KIAA0825: variants seen among roughly 807,000 people sequenced by gnomAD.
KIAA0825 encodes uncharacterized protein KIAA0825.
KIAA0825 carries 119 observed loss-of-function variants against 147.6 expected under a neutral mutation model. The ratio of observed to expected loss-of-function variants is 0.81; its 90% CI spans 0.69 to 0.94. The LOEUF is 0.94. Among genes scored for constraint, KIAA0825 ranks in the 40% least tolerant of loss-of-function variants. KIAA0825 has a pLI of 0.00. For synonymous variants in KIAA0825, 470 were observed against 518.1 expected, an observed-to-expected ratio of 0.91 and a Z score of 1.26; for missense variants, 1,381 against 1,472.7, an observed-to-expected ratio of 0.94 and a Z score of 1.02.
At position 94,260,715 on chromosome 5, in the gene KIAA0825, A is replaced by T. The variant is rs564607840; in HGVS notation, c.3711-106591T>A. Among the ~76,000 whole-genome samples, 4 of 152,284 alleles carry T rather than the reference A, an allele frequency of 2.6e-5. No homozygotes were observed. In the South Asian group the frequency reaches 8.3e-4, roughly 32 times the overall value. On this transcript the variant is annotated intron_variant, in intron 20 of 20. Transcript: ENST00000682413. ...GGTATTTGCAGTTCACATTAGTACT[A>T]TATCTGCCTTTAACATGATTTCAAT... is the stretch of plus-strand genomic sequence containing the variant.
At chr5:94,300,075 G>A (rs912845391) in intron 20 of KIAA0825, among the ~76,000 whole-genome samples, 1 of 151,920 alleles carries the variant, frequency 6.6e-6, no homozygotes, top group African/African-American at 2.4e-5. Context: ...TTGGTGTCAT[G>A]ATATAGTACA....
At chr5:94,375,571 G>A (rs192269004) in intron 20 of KIAA0825, among the ~76,000 whole-genome samples, 62 of 152,244 alleles carry the variant, frequency 4.1e-4, no homozygotes, top group African/African-American at 1.4e-3. Context: ...CCAATCCATA[G>A]TCAATTTCTC....
At chr5:94,579,577 C>G (rs943393622) in intron 2 of KIAA0825, among the ~76,000 whole-genome samples, 2 of 152,172 alleles carry the variant, frequency 1.3e-5, no homozygotes, top group Non-Finnish European at 2.9e-5. Context: ...AAGTTAGAAC[C>G]ACTACCCAGC....
rs532480150 is a variant in KIAA0825, at chr5:94,445,039, C to T, written c.2358-4918G>A. ...TTACACGGCAGCAACGCTAATCTAG[C>T]ACCTGAATCACTAAGACATTGGACA... On this transcript the variant is annotated intron_variant, in intron 13 of 20. Transcript: ENST00000682413. Among the ~76,000 whole-genome samples, 13 of 152,188 alleles carry T rather than the reference C, an allele frequency of 8.5e-5. No homozygotes were observed. In the East Asian group the frequency reaches 2.5e-3, roughly 29 times the overall value.
chr5:94,387,348 C>T (rs766513514), intron 18 of KIAA0825, among the ~76,000 whole-genome samples: 5 of 152,104 alleles, frequency 3.3e-5, no homozygotes, highest in Non-Finnish European at 5.9e-5. Flanking sequence ...CACCTGGGAG[C>T]TTGTTAGAAA....
At chr5:94,293,968 T>C (rs1778024333) in intron 20 of KIAA0825, among the ~76,000 whole-genome samples, 1 of 152,338 alleles carries the variant, frequency 6.6e-6, no homozygotes, top group Non-Finnish European at 1.5e-5. Context: ...TTTTTTTGCT[T>C]TCCATTTGCT....
chr5:94,215,754 C>T lies in KIAA0825; in HGVS notation c.3711-61630G>A, dbSNP rs139230820. ...CTCCCTTGATTCCTCGCACTCTTCT[C>T]TCCTGGTTGCCCTCCTACTCTTAGC... On this transcript the variant is annotated intron_variant, in intron 20 of 20. Transcript: ENST00000682413. Among the ~76,000 whole-genome samples, 230 of 152,218 alleles carry T rather than the reference C, an allele frequency of 1.5e-3. 1 individual carries two copies. The highest frequency in any genetic ancestry group is 5.2e-3 in the African/African-American group (217 of 41,542).
intron 20 of KIAA0825, among the ~76,000 whole-genome samples, chr5:94,239,901 G>A (rs1353631299): frequency 6.6e-6 from 1 of 152,074 alleles, no homozygotes; most frequent in Non-Finnish European, 1.5e-5. Flanking sequence ...CTTTAACTAT[G>A]TTCCATTTAA....
intron 10 of KIAA0825, among the ~76,000 whole-genome samples, chr5:94,468,954 T>C (rs144602406): frequency 6.6e-6 from 1 of 152,326 alleles, no homozygotes; most frequent in African/African-American, 2.4e-5. Flanking sequence ...ATATTATAAA[T>C]GTTTCACCCT....
intron 12 of KIAA0825, 47 bp from the exon 13 acceptor site, chr5:94,453,116 C>A: frequency 1.1e-6 from 1 of 908,402 alleles, no homozygotes. Context: ...GAAGCATTAA[C>A]TATGACCATT....
chr5:94,478,695 C>T (rs930458122), intron 6 of KIAA0825, among the ~76,000 whole-genome samples: 1 of 151,910 alleles, frequency 6.6e-6, no homozygotes. Flanking sequence ...AGGATCACTT[C>T]TAATTGAAAT....
At position 94,403,790 on chromosome 5, in the gene KIAA0825, G is replaced by C. The variant is rs888727541; in HGVS notation, c.2666C>G (p.Ser889Ter). 1 of 1,551,024 alleles carries C rather than the reference G, an allele frequency of 6.4e-7. No homozygotes were observed. The highest frequency in any genetic ancestry group is 1.4e-5 in the African/African-American group (1 of 73,020). Reference protein sequence around the residue: ...LWDFLYNIPVSTCVEYELEVI... With the variant: ...LWDFLYNIPV ...CTCTAGCTCGTACTCCACGCACGTT[G>C]AGACTTTAAAATCAGATGGCATATT... The change falls in exon 16 of 21, where the codon TCA becomes TGA. Residue 889 changes from serine (S) to a stop codon, truncating the protein, a stop_gained. Coordinates refer to ENST00000682413, the MANE Select transcript of KIAA0825 (RefSeq NM_001145678.3). LOFTEE classifies it high-confidence loss of function.
chr5:94,355,903 G>A (rs1400784854), intron 20 of KIAA0825, among the ~76,000 whole-genome samples: 1 of 152,134 alleles, frequency 6.6e-6, no homozygotes, highest in Admixed American at 6.5e-5. Context: ...TTAAATAGTA[G>A]GTGAAAACTA....
intron 20 of KIAA0825, among the ~76,000 whole-genome samples, chr5:94,283,671 C>A (rs1229549792): frequency 6.6e-6 from 1 of 151,992 alleles, no homozygotes; most frequent in African/African-American, 2.4e-5. Context: ...ATTTGTTATT[C>A]CCTAATAATA....
At chr5:94,196,230 A>G (rs1240736815) in intron 20 of KIAA0825, among the ~76,000 whole-genome samples, 1 of 152,144 alleles carries the variant, frequency 6.6e-6, no homozygotes, top group East Asian at 1.9e-4. Context: ...TACTGGCTAC[A>G]TATTTTTTCC....
At chr5:94,356,859 G>C (rs1410571446) in intron 20 of KIAA0825, among the ~76,000 whole-genome samples, 1 of 150,808 alleles carries the variant, frequency 6.6e-6, no homozygotes, top group Non-Finnish European at 1.5e-5. Flanking sequence ...CGAGTAGCTG[G>C]GACTACAGGT....
At chr5:94,295,607 T>C (rs1778099041) in intron 20 of KIAA0825, among the ~76,000 whole-genome samples, 1 of 152,226 alleles carries the variant, frequency 6.6e-6, no homozygotes. Flanking sequence ...GGGGTTTCTG[T>C]GTGGACATCC....
chr5:94,574,271 G>A (rs571239434), intron 2 of KIAA0825, among the ~76,000 whole-genome samples: 4 of 152,218 alleles, frequency 2.6e-5, no homozygotes, highest in East Asian at 1.9e-4. Context: ...ATGGCCGGGC[G>A]TGGTGGCTCA....
intron 5 of KIAA0825, among the ~76,000 whole-genome samples, chr5:94,513,745 C>G (rs1034491694): frequency 6.6e-6 from 1 of 151,464 alleles, no homozygotes; most frequent in Admixed American, 6.6e-5. Context: ...TAAAATACAC[C>G]CTCCCCTTAT....
Sources: allele counts gnomAD v4.1 joint callset (sites outside exome capture counted in the v4.1 genomes callset), GRCh38; gene constraint gnomAD v4.1.1; transcripts MANE v1.5; gene names NCBI Gene and HGNC (gene_info 2026-07-23, HGNC 2026-07-21).